Variants in NR6A1 observed in about 807,000 individuals in gnomAD.
The protein encoded by NR6A1 is nuclear receptor subfamily 6 group A member 1.
A neutral mutation model predicts 59.1 loss-of-function variants in NR6A1; 7 were observed. The observed-to-expected ratio is 0.12, with a 90% CI of 0.07 to 0.22. The LOEUF (loss-of-function observed/expected upper bound fraction) is 0.22, where lower values mean the gene tolerates loss of function less well. NR6A1 is among the 10% of genes least tolerant of loss of function. The pLI is 1.00. For synonymous variants in NR6A1, 243 were observed against 236.1 expected, an observed-to-expected ratio of 1.03 and a Z score of -0.27; for missense variants, 468 against 611.6, an observed-to-expected ratio of 0.77 and a Z score of 2.48.
In NR6A1 at chr9:124,524,728, A is replaced by G. The variant is rs145498418; in HGVS notation, c.1347T>C (p.Tyr449=). The part of the protein sequence containing the change: ...DLMMCLPEIR[Y]IAGKMVNVPL... ...CAAGACCCAGAATGTTACCTGCAAT[A>G]TATCGAATCTCAGGTAAGCACATCA... Residue 449 remains tyrosine (Y), a synonymous_variant, in exon 9 of 10, where the codon TAT becomes TAC. Transcript: ENST00000487099. The G allele has an allele frequency of 3.1e-6, 5 of 1,613,622 alleles. No individual in the cohort carries two copies. The highest frequency in any genetic ancestry group is 2.2e-5 in the East Asian group (1 of 44,890).
In NR6A1 at chr9:124,536,118, T is replaced by C. The variant is rs1283450198; in HGVS notation, c.839A>G (p.Gln280Arg). 26 of 1,613,082 alleles carry C rather than the reference T, an allele frequency of 1.6e-5. No homozygotes were observed. The highest frequency in any genetic ancestry group is 2.0e-5 in the Non-Finnish European group (23 of 1,179,408). ...GCAAAGCAGGGCAAATAGTTCTGCC[T>C]GTGTCACAGCGTATCTGAGGGGCAG... The part of the protein sequence containing the change: ...MLIEDGYAVT[Q>R]AELFALLCRL... The change falls in exon 7 of 10, where the codon CAG (glutamine) becomes CGG (arginine). Residue 280 changes from glutamine (Q) to arginine (R), a missense_variant. This residue lies in a region of NR6A1 where 176 missense variants were observed against 264.0 expected (regional missense o/e 0.67). Transcript: ENST00000487099.
intron 2 of NR6A1, among the ~76,000 whole-genome samples, chr9:124,572,072 C>G (rs760108233): frequency 1.3e-5 from 2 of 152,096 alleles, no homozygotes; most frequent in Non-Finnish European, 2.9e-5. Flanking sequence ...AAACAAAGAG[C>G]TGTACTAAAC....
Position 124,771,279 on chromosome 9 carries a change from C to A in NR6A1, c.-160G>T. On this transcript the variant is annotated 5_prime_UTR_variant, in exon 1 of 10. Transcript: ENST00000487099. ...CCGAGCCGCCCGGCTCCGCGCCGCT[C>A]CGCGCCCCTCCGCGCCGCGCCCCCT... 1 of 392,172 alleles carries A rather than the reference C, an allele frequency of 2.5e-6. No individual in the cohort carries two copies. The highest frequency in any genetic ancestry group is 1.3e-4 in the South Asian group (1 of 7,836). The allele number at this position is 392,172 out of a possible 1,614,324, so 24.3% of individuals were successfully genotyped here. A position where few individuals can be genotyped will look rare whatever the true frequency, so the allele number is the denominator to read the frequency against.
chr9:124,635,375 C>A (rs1836576790), intron 2 of NR6A1, among the ~76,000 whole-genome samples: 1 of 152,194 alleles, frequency 6.6e-6, no homozygotes, highest in African/African-American at 2.4e-5. Context: ...TGGTTTTCCC[C>A]ATGCTGTTCT....
intron 2 of NR6A1, among the ~76,000 whole-genome samples, chr9:124,689,464 T>C (rs752853597): frequency 2.6e-5 from 4 of 152,236 alleles, no homozygotes; most frequent in Non-Finnish European, 5.9e-5. Context: ...AAGTTTATTA[T>C]AATAAGGTAT....
In NR6A1 at chr9:124,536,059, C is replaced by A; in HGVS notation, c.898G>T (p.Ala300Ser). ...LADELLFRQI[A>S]WIKKLPFFCE... The stretch of plus-strand genomic sequence containing the variant: ...AAGAAAGGCAGTTTCTTGATCCAGG[C>A]AATCTGCCTAAAGAGCAGCTCGTCG... The change falls in exon 7 of 10, where the codon GCC becomes TCC. Residue 300 changes from alanine to serine, a missense_variant. Ala to Ser is a moderately conservative substitution (Grantham distance 99, BLOSUM62 1). This residue lies in a region of NR6A1 where 176 missense variants were observed against 264.0 expected (regional missense o/e 0.67). Transcript: ENST00000487099. The A allele has an allele frequency of 1.9e-6, 3 of 1,614,200 alleles. No homozygotes were observed. The highest frequency in any genetic ancestry group is 2.5e-6 in the Non-Finnish European group (3 of 1,180,042).
At chr9:124,719,913 G>GT (rs1472893127) in intron 2 of NR6A1, among the ~76,000 whole-genome samples, 10 of 151,930 alleles carry the variant, frequency 6.6e-5, no homozygotes, top group African/African-American at 1.9e-4. Context: ...AAAAGACCGT[G>GT]TCCCCAATCC....
chr9:124,575,896 T>C (rs1327653720), intron 2 of NR6A1, among the ~76,000 whole-genome samples: 1 of 152,202 alleles, frequency 6.6e-6, no homozygotes, highest in East Asian at 1.9e-4. Flanking sequence ...ATGAGGACCA[T>C]TACTTTACCT....
intron 1 of NR6A1, among the ~76,000 whole-genome samples, chr9:124,750,550 G>A (rs1478637611): frequency 6.6e-6 from 1 of 152,134 alleles, no homozygotes; most frequent in Non-Finnish European, 1.5e-5. Flanking sequence ...CACGAGGTCA[G>A]GAGAACGAGA....
chr9:124,627,096 C>T (rs1836265592), intron 2 of NR6A1, among the ~76,000 whole-genome samples: 2 of 152,200 alleles, frequency 1.3e-5, no homozygotes, highest in Non-Finnish European at 2.9e-5. Flanking sequence ...TTCCAGAGTA[C>T]TATGCACTGC....
chr9:124,616,606 A>G (rs772127872), intron 2 of NR6A1, among the ~76,000 whole-genome samples: 1 of 152,110 alleles, frequency 6.6e-6, no homozygotes, highest in Non-Finnish European at 1.5e-5. Context: ...AAATATATAT[A>G]CATACTTATA....
chr9:124,643,981 A>G (rs1248919481), intron 2 of NR6A1, among the ~76,000 whole-genome samples: 4 of 152,022 alleles, frequency 2.6e-5, no homozygotes, highest in Non-Finnish European at 5.9e-5. Context: ...GCTCACTACA[A>G]CCTCCACCTC....
chr9:124,764,165 C>T lies in NR6A1; in HGVS notation c.100+6855G>A, dbSNP rs145570088. On this transcript the variant is annotated intron_variant, in intron 1 of 9. Coordinates refer to ENST00000487099, the MANE Select transcript of NR6A1 (RefSeq NM_033334.4). ...CACCGCTGCACTCCAGCCTGGGCAA[C>T]AGAGTGAGACTCCATCACAAAAAAA... Among the ~76,000 whole-genome samples, 338 of 148,230 alleles carry T rather than the reference C, an allele frequency of 2.3e-3. 2 individuals carry two copies. Among genetic ancestry groups the T allele is most frequent in the African/African-American group, 8.2e-3 (327 of 39,898 alleles).
intron 1 of NR6A1, among the ~76,000 whole-genome samples, chr9:124,735,799 T>G (rs970396413): frequency 6.6e-6 from 1 of 152,154 alleles, no homozygotes; most frequent in Admixed American, 6.5e-5. Flanking sequence ...GCTGGTAGAT[T>G]TGGTGTCTAG....
chr9:124,534,940 C>T (rs1588644477), intron 7 of NR6A1, among the ~76,000 whole-genome samples: 1 of 152,078 alleles, frequency 6.6e-6, no homozygotes, highest in African/African-American at 2.4e-5. Flanking sequence ...CTGGCTAACA[C>T]GGTGAAACCC....
intron 2 of NR6A1, among the ~76,000 whole-genome samples, chr9:124,648,388 G>C (rs1373628898): frequency 6.6e-6 from 1 of 152,034 alleles, no homozygotes; most frequent in African/African-American, 2.4e-5. Flanking sequence ...ATGCTAAAAA[G>C]TATTTAATAA....
chr9:124,583,612 T>C (rs1229654683), intron 2 of NR6A1, among the ~76,000 whole-genome samples: 1 of 152,152 alleles, frequency 6.6e-6, no homozygotes, highest in Non-Finnish European at 1.5e-5. Context: ...TCTCTAGGGT[T>C]TCCCTTGTAT....
At chr9:124,713,203 G>GA (rs1340762227) in intron 2 of NR6A1, among the ~76,000 whole-genome samples, 5 of 151,432 alleles carry the variant, frequency 3.3e-5, no homozygotes, top group Non-Finnish European at 5.9e-5. Flanking sequence ...ATCCACATGA[G>GA]AAAAAAATGA....
intron 2 of NR6A1, among the ~76,000 whole-genome samples, chr9:124,591,516 T>A (rs1835125483): frequency 6.6e-6 from 1 of 152,172 alleles, no homozygotes; most frequent in Admixed American, 6.5e-5. Context: ...GACCAAGGGA[T>A]CCATCCAGAG....
Sources: allele counts gnomAD v4.1 joint callset (sites outside exome capture counted in the v4.1 genomes callset), GRCh38; gene constraint gnomAD v4.1.1; regional missense constraint gnomAD v4.1.1; transcripts MANE v1.5; gene names NCBI Gene and HGNC (gene_info 2026-07-23, HGNC 2026-07-21).